ZBTB25: variants seen among roughly 807,000 people sequenced by gnomAD.
ZBTB25 encodes zinc finger and BTB domain containing 25.
In ZBTB25, 20 loss-of-function variants were observed where a neutral mutation model predicts 34.2. The observed-to-expected ratio is 0.58, with a 90% CI of 0.41 to 0.85. ZBTB25 has a LOEUF of 0.85. Among genes scored for constraint, ZBTB25 ranks in the 40% least tolerant of loss-of-function variants. The pLI, the probability that ZBTB25 is intolerant of heterozygous loss-of-function variation, is 0.00. For missense variants in ZBTB25, 437 were observed against 521.8 expected, an observed-to-expected ratio of 0.84 and a Z score of 1.58; for synonymous variants, 175 against 186.4, an observed-to-expected ratio of 0.94 and a Z score of 0.50.
chr14:64,472,412 A>G (rs1041986785), intron 2 of ZBTB25: 2 of 167,100 alleles, frequency 1.2e-5, no homozygotes, highest in African/African-American at 4.8e-5. Flanking sequence ...TTTTAAAAAA[A>G]CAGATAAATG....
At chr14:64,454,933 T>C in intron 2 of ZBTB25, 1 of 1,573,714 alleles carries the variant, frequency 6.4e-7, no homozygotes, top group Non-Finnish European at 8.7e-7. Flanking sequence ...CTGAAGTGTG[T>C]TGCCGAAACC....
At chr14:64,464,877 A>G (rs1018244685) in intron 2 of ZBTB25, among the ~76,000 whole-genome samples, 1 of 152,222 alleles carries the variant, frequency 6.6e-6, no homozygotes, top group Non-Finnish European at 1.5e-5. Context: ...CCTGCAGGCC[A>G]AAGTTCTGCA....
intron 1 of ZBTB25, among the ~76,000 whole-genome samples, chr14:64,500,237 T>C (rs2079439236): frequency 6.6e-6 from 1 of 151,960 alleles, no homozygotes; most frequent in Non-Finnish European, 1.5e-5. Context: ...TAACTAAAAC[T>C]TCTGGATACA....
At chr14:64,454,765 T>C (rs1282868454) in intron 2 of ZBTB25, 2 of 1,614,032 alleles carry the variant, frequency 1.2e-6, no homozygotes, top group Non-Finnish European at 1.7e-6. Context: ...AACACACTTG[T>C]CTTTGTCTCA....
chr14:64,492,566 A>G (rs2079121000), intron 1 of ZBTB25, among the ~76,000 whole-genome samples: 1 of 151,412 alleles, frequency 6.6e-6, no homozygotes. Context: ...AATGGTTCAT[A>G]TTGAAGCATC....
chr14:64,490,251 T>G lies in ZBTB25; in HGVS notation c.173+110A>C. 3.6e-6 allele frequency: 2 copies of G among 550,084 alleles called. 1 individual carries two copies. The highest frequency in any genetic ancestry group is 1.2e-4 in the South Asian group (2 of 16,026). 34.1% of individuals were successfully genotyped at this position (550,084 alleles called of 1,614,324 possible). A position where few individuals can be genotyped will look rare whatever the true frequency, so the allele number is the denominator to read the frequency against. The stretch of plus-strand genomic sequence containing the variant: ...AAAAAAAAAAAAAAAAAAATTATAA[T>G]TTTACTTCTTAGTGTGACTCCGTAA... On this transcript the variant is annotated intron_variant, in intron 2 of 2. Coordinates refer to ENST00000608382, the MANE Select transcript of ZBTB25 (RefSeq NM_006977.5).
At chr14:64,468,299 T>A in intron 2 of ZBTB25, 1 of 1,192,068 alleles carries the variant, frequency 8.4e-7, no homozygotes, top group South Asian at 1.7e-5. Context: ...GGAAGAAATT[T>A]TACCTAGTGT....
intron 1 of ZBTB25, chr14:64,502,505 A>C: frequency 3.0e-6 from 1 of 334,962 alleles, no homozygotes; most frequent in Non-Finnish European, 4.3e-6. Context: ...ACAGCAATGA[A>C]ACTTTCAGGG....
intron 2 of ZBTB25, chr14:64,468,272 A>C (rs2078631799): frequency 1.2e-6 from 1 of 854,870 alleles, no homozygotes; most frequent in South Asian, 1.9e-5. Flanking sequence ...AGTAAGATGA[A>C]AGGTATGAAT....
chr14:64,457,983 T>A, intron 2 of ZBTB25: 1 of 592,566 alleles, frequency 1.7e-6, no homozygotes, highest in Non-Finnish European at 3.0e-6. Flanking sequence ...CTCAACCTCC[T>A]AGCCTCAAGC....
At chr14:64,465,344 C>T (rs970013428) in intron 2 of ZBTB25, among the ~76,000 whole-genome samples, 1 of 151,946 alleles carries the variant, frequency 6.6e-6, no homozygotes, top group African/African-American at 2.4e-5. Flanking sequence ...GGCAGGCAGG[C>T]AGGCTGCTGC....
Position 64,454,825 on chromosome 14 carries a change from G to A in ZBTB25, c.174-5187C>T, listed in dbSNP as rs750902671. The A allele has an allele frequency of 1.5e-5, 24 of 1,614,074 alleles. No individual in the cohort carries two copies. The highest frequency in any genetic ancestry group is 4.0e-5 in the African/African-American group (3 of 74,930). Reference sequence around the variant, plus strand: ...TACAGGCTTCATTCTGCCCATTCGCGACATCCGCGCCAGCGTTGGGGCTGG... The same window carrying A: ...TACAGGCTTCATTCTGCCCATTCGCAACATCCGCGCCAGCGTTGGGGCTGG... On this transcript the variant is annotated intron_variant, in intron 2 of 2. Transcript: ENST00000555220.
At chr14:64,450,749 T>G (rs922376662) in intron 2 of ZBTB25, among the ~76,000 whole-genome samples, 4 of 152,180 alleles carry the variant, frequency 2.6e-5, no homozygotes, top group African/African-American at 9.7e-5. Flanking sequence ...GCTCTGTTGC[T>G]CAGGCTGGAG....
rs2141017272 is a variant in ZBTB25 at position 64,483,980 on chromosome 14, A to G, written c.*2943T>C. The G allele has an allele frequency of 6.6e-6, 1 of 150,662 alleles. No individual in the cohort carries two copies. Among genetic ancestry groups the G allele is most frequent in the Non-Finnish European group, 1.5e-5 (1 of 67,842 alleles). The allele number at this position is 150,662 out of a possible 1,614,324, so 9.3% of individuals were successfully genotyped here. ...AAAAAAAAAAAAAAGCCTGCAGAAT[A>G]AATGAAAACAACAATAACAAAAACT... On this transcript the variant is annotated 3_prime_UTR_variant, in exon 3 of 3. Coordinates refer to ENST00000608382, the MANE Select transcript of ZBTB25 (RefSeq NM_006977.5).
In ZBTB25 at chr14:64,490,403, G is replaced by A; in HGVS notation, c.131C>T (p.Ala44Val). 6.2e-7 allele frequency: 1 copy of A among 1,607,456 alleles called. No homozygotes were observed. Among genetic ancestry groups the A allele is most frequent in the East Asian group, 2.2e-5 (1 of 44,794 alleles). The change falls in exon 2 of 3, where the codon GCT becomes GTT. Residue 44 changes from alanine (A) to valine (V), a missense_variant. Physicochemically the swap from Ala to Val is moderately conservative, Grantham distance 64. Transcript: ENST00000608382. ...YFKAHRAVLA[A>V]FSNYFKMIFI... ...TATCATCTTGAAATAGTTAGAAAAA[G>A]CAGCAAGCACTGCTCTGTGGGCTTT...
chr14:64,475,975 C>T (rs375393044), downstream of ZBTB25, among the ~76,000 whole-genome samples: 17 of 152,296 alleles, frequency 1.1e-4, no homozygotes, highest in African/African-American at 4.1e-4. Flanking sequence ...ATACACTTTT[C>T]ACAGCTATAC....
chr14:64,460,262 T>C (rs1264123005), intron 2 of ZBTB25: 1 of 221,450 alleles, frequency 4.5e-6, no homozygotes, highest in African/African-American at 2.3e-5. Flanking sequence ...CTTTCTATAT[T>C]GTTGAATTTT....
At chr14:64,462,836 G>C (rs755113718) in intron 2 of ZBTB25, 23 of 152,186 alleles carry the variant, frequency 1.5e-4, no homozygotes, top group African/African-American at 5.6e-4. Flanking sequence ...CCCAGGGAAC[G>C]GGGTTGGAGG....
rs1260561619 is a variant in ZBTB25 at position 64,481,946 on chromosome 14, C to T, written c.*4977G>A. On this transcript the variant is annotated 3_prime_UTR_variant, in exon 3 of 3. Transcript: ENST00000608382. ...TGGCCCATTTTTACATCAATTACTA[C>T]AAAAAATGGACATTTATCAAGTATC... The T allele has an allele frequency of 1.3e-5, 2 of 152,130 alleles. No individual in the cohort carries two copies. The highest frequency in any genetic ancestry group is 3.2e-3 in the Middle Eastern group (1 of 316). The allele number at this position is 152,130 out of a possible 1,614,324, so 9.4% of individuals were successfully genotyped here.
Sources: allele counts gnomAD v4.1 joint callset (sites outside exome capture counted in the v4.1 genomes callset), GRCh38; gene constraint gnomAD v4.1.1; transcripts MANE v1.5; gene names NCBI Gene and HGNC (gene_info 2026-07-23, HGNC 2026-07-21).